Variants in NFATC3 observed in about 807,000 individuals in gnomAD.
The protein encoded by NFATC3 is nuclear factor of activated T-cells, cytoplasmic 3.
Under a neutral mutation model 98.6 loss-of-function variants are expected in NFATC3, and 46 were observed. The ratio of observed to expected loss-of-function variants is 0.47; its 90% CI spans 0.37 to 0.60. The LOEUF is 0.60. Among genes scored for constraint, NFATC3 ranks in the 20% least tolerant of loss-of-function variants. NFATC3 has a pLI of 0.00. For missense variants in NFATC3, 1,256 were observed against 1,295.5 expected (o/e 0.97, Z 0.47); for synonymous variants, 512 against 472.2 (o/e 1.08, Z -1.09).
At chr16:68,085,927 A>C in intron 1 of NFATC3, 143 bp downstream of exon 1, 2 of 592,104 alleles carry the variant, frequency 3.4e-6, no homozygotes, top group East Asian at 3.6e-5. Context: ...GTGAGTTAAA[A>C]ACGGATTTAA....
At chr16:68,109,967 C>T (rs1241065904) in intron 1 of NFATC3, among the ~76,000 whole-genome samples, 2 of 151,976 alleles carry the variant, frequency 1.3e-5, no homozygotes. Context: ...TGTCTCTTTT[C>T]TTCATTAGCC....
At chr16:68,222,172 AG>A (rs907538161) in intron 9 of NFATC3, among the ~76,000 whole-genome samples, 1 of 151,376 alleles carries the variant, frequency 6.6e-6, no homozygotes, top group Non-Finnish European at 1.5e-5. Flanking sequence ...TAGGCGTAGT[AG>A]CACATGCCTG....
chr16:68,184,867 A>G (rs1229124036), intron 8 of NFATC3, among the ~76,000 whole-genome samples: 1 of 152,198 alleles, frequency 6.6e-6, no homozygotes, highest in Non-Finnish European at 1.5e-5. Flanking sequence ...GTAAAGAGAG[A>G]GAAAGTTCTC....
intron 8 of NFATC3, among the ~76,000 whole-genome samples, chr16:68,190,020 CAG>C (rs2040370112): frequency 6.6e-6 from 1 of 152,194 alleles, no homozygotes; most frequent in African/African-American, 2.4e-5. Context: ...GCCTGGCCGA[CAG>C]AGTGAGACCC....
chr16:68,119,813 T>C (rs951870660), intron 1 of NFATC3, among the ~76,000 whole-genome samples: 1 of 152,170 alleles, frequency 6.6e-6, no homozygotes, highest in African/African-American at 2.4e-5. Flanking sequence ...TTTTGTTTTG[T>C]TTACCATGGT....
At chr16:68,190,666 G>T in intron 8 of NFATC3, 102 bp from the exon 9 acceptor site, 1 of 1,217,648 alleles carries the variant, frequency 8.2e-7, no homozygotes, top group Non-Finnish European at 1.1e-6. Context: ...ATTTGAGTTT[G>T]CCCCTCAGCT....
intron 9 of NFATC3, among the ~76,000 whole-genome samples, chr16:68,208,671 A>G (rs1031186838): frequency 6.6e-6 from 1 of 152,094 alleles, no homozygotes; most frequent in Admixed American, 6.6e-5. Context: ...CAGAAGTTGG[A>G]GTGAACCAAG....
intron 4 of NFATC3, among the ~76,000 whole-genome samples, chr16:68,162,736 G>A (rs953996060): frequency 7.9e-5 from 12 of 151,828 alleles, no homozygotes; most frequent in Non-Finnish European, 1.5e-4. Context: ...AAAGATCAAA[G>A]AACATGTTGA....
chr16:68,178,547 G>A (rs1349872742), intron 6 of NFATC3, among the ~76,000 whole-genome samples: 1 of 152,048 alleles, frequency 6.6e-6, no homozygotes, highest in Non-Finnish European at 1.5e-5. Context: ...TTGTAGTGGG[G>A]GAAGCACCTA....
intron 3 of NFATC3, among the ~76,000 whole-genome samples, chr16:68,148,344 A>C (rs1219011365): frequency 2.0e-5 from 3 of 152,050 alleles, no homozygotes; most frequent in African/African-American, 7.2e-5. Context: ...TTGTGATGAT[A>C]TTGACATTTT....
chr16:68,121,242 C>CTTTTTTTTTTTTTTTTTTTTTTTTTTTG (rs753615194), intron 1 of NFATC3, among the ~76,000 whole-genome samples: 1 of 102,392 alleles, frequency 9.8e-6, no homozygotes, highest in African/African-American at 3.9e-5. Flanking sequence ...CTTTTCTTTT[C>CTTTTTTTTTTTTTTTTTTTTTTTTTTTG]TTTTTTTTTT....
At chr16:68,155,004 A>G (rs938845870) in intron 3 of NFATC3, among the ~76,000 whole-genome samples, 8 of 152,234 alleles carry the variant, frequency 5.3e-5, no homozygotes, top group Admixed American at 2.0e-4. Flanking sequence ...TTATAAGGCT[A>G]TTGCAATAGT....
chr16:68,109,535 C>CT (rs1293379613), intron 1 of NFATC3, among the ~76,000 whole-genome samples: 4 of 152,176 alleles, frequency 2.6e-5, no homozygotes, highest in Non-Finnish European at 5.9e-5. Flanking sequence ...CTGTAGTTTT[C>CT]TTTTTTTGTT....
At chr16:68,088,618 C>G (rs1428304155) in intron 1 of NFATC3, 1 of 151,462 alleles carries the variant, frequency 6.6e-6, no homozygotes, top group Non-Finnish European at 1.5e-5. Flanking sequence ...ACTGCAGCCT[C>G]GACCTCTGGG....
intron 7 of NFATC3, among the ~76,000 whole-genome samples, chr16:68,182,406 G>A (rs2039985362): frequency 1.3e-5 from 2 of 152,254 alleles, no homozygotes; most frequent in South Asian, 4.1e-4. Context: ...GTTGAGGATT[G>A]TATTTGGTTT....
chr16:68,116,072 C>T (rs1303539712), intron 1 of NFATC3, among the ~76,000 whole-genome samples: 1 of 152,074 alleles, frequency 6.6e-6, no homozygotes, highest in Non-Finnish European at 1.5e-5. Context: ...TTACTCAGTT[C>T]TACCCTTGTG....
At chr16:68,184,013 A>C (rs2040059756) in intron 8 of NFATC3, among the ~76,000 whole-genome samples, 1 of 151,820 alleles carries the variant, frequency 6.6e-6, no homozygotes, top group Non-Finnish European at 1.5e-5. Flanking sequence ...ACAAAAAAAA[A>C]AAAAAAAAAA....
intron 9 of NFATC3, among the ~76,000 whole-genome samples, chr16:68,196,648 C>T (rs894561610): frequency 4.0e-5 from 6 of 151,284 alleles, no homozygotes; most frequent in African/African-American, 9.7e-5. Context: ...GAGCTGAGAT[C>T]GCACCACTGC....
chr16:68,108,231 T>G (rs538817844), intron 1 of NFATC3, among the ~76,000 whole-genome samples: 1 of 152,210 alleles, frequency 6.6e-6, no homozygotes, highest in Non-Finnish European at 1.5e-5. Context: ...AAGTCTTTAA[T>G]CCATCTCGAG....
Sources: allele counts gnomAD v4.1 joint callset (sites outside exome capture counted in the v4.1 genomes callset), GRCh38; gene constraint gnomAD v4.1.1; transcripts MANE v1.5; gene names NCBI Gene and HGNC (gene_info 2026-07-23, HGNC 2026-07-21).